The following SPTY2D1 variants were observed in gnomAD, a reference collection of about 807,000 sequenced individuals.
SPTY2D1 encodes the protein SPT2 chromatin protein domain containing 1, also known as protein SPT2 homolog.
Under a neutral mutation model 64.0 loss-of-function variants are expected in SPTY2D1, and 21 were observed. The ratio of observed to expected loss-of-function variants is 0.33; its 90% CI spans 0.23 to 0.47. The LOEUF (loss-of-function observed/expected upper bound fraction) is 0.47, where lower values mean the gene tolerates loss of function less well. Ranked by LOEUF, SPTY2D1 falls within the 20% of genes least tolerant of loss-of-function variation. The probability of loss-of-function intolerance (pLI) is 1.00; values close to 1 mark genes in which losing one functional copy is unlikely to be tolerated. For missense variants in SPTY2D1, 724 were observed against 837.2 expected, an observed-to-expected ratio of 0.86 and a Z score of 1.67; for synonymous variants, 287 against 286.8, an observed-to-expected ratio of 1.00 and a Z score of -0.01.
intron 1 of SPTY2D1, among the ~76,000 whole-genome samples, chr11:18,624,936 T>G (rs1030649223): frequency 5.3e-5 from 8 of 152,044 alleles, no homozygotes; most frequent in African/African-American, 1.9e-4. Context: ...GAGGCAGAGG[T>G]TGTGGTCCGC....
rs143142593 is a variant in SPTY2D1, at chr11:18,614,070, T to C, written c.1711+493A>G. Among the ~76,000 whole-genome samples, 66 of 152,260 alleles carry C rather than the reference T, an allele frequency of 4.3e-4. 1 individual carries two copies. Among genetic ancestry groups the C allele is most frequent in the African/African-American group, 1.5e-3 (63 of 41,562 alleles). ...CTAAGTTTATCACACTTAGGGACAT[T>C]TCAAGGGTGAACACAGAGATCCTAG... On this transcript the variant is annotated intron_variant, in intron 3 of 5. Coordinates refer to ENST00000336349, the MANE Select transcript of SPTY2D1 (RefSeq NM_194285.3).
Position 18,609,516 on chromosome 11 carries a change from CTTTT to C in SPTY2D1, c.*341_*344del, listed in dbSNP as rs1010570715. On this transcript the variant is annotated 3_prime_UTR_variant, in exon 6 of 6. Coordinates refer to ENST00000336349, the MANE Select transcript of SPTY2D1 (RefSeq NM_194285.3). ...AGAATTACAGAAATCAAGAGACAAC[CTTTT>C]TTTTCCTTTCAAAGTAGCAAAGGAA... 4.5e-6 allele frequency: 1 copy of C among 223,576 alleles called. No individual in the cohort carries two copies. Among genetic ancestry groups the C allele is most frequent in the African/African-American group, 2.3e-5 (1 of 43,414 alleles). 13.8% of individuals were successfully genotyped at this position (223,576 alleles called of 1,614,324 possible). A position where few individuals can be genotyped will look rare whatever the true frequency, so the allele number is the denominator to read the frequency against.
At chr11:18,631,239 G>C (rs11607095) in intron 1 of SPTY2D1, among the ~76,000 whole-genome samples, 67,664 of 152,130 alleles carry the variant, frequency 0.44, 15,161 homozygotes, top group Middle Eastern at 0.52. Flanking sequence ...CAGATTATTA[G>C]AAAGCAAGTA....
At chr11:18,617,670 G>A (rs545984046) in intron 1 of SPTY2D1, among the ~76,000 whole-genome samples, 7 of 150,038 alleles carry the variant, frequency 4.7e-5, no homozygotes, top group South Asian at 4.2e-4. Flanking sequence ...GGCCAGGTGC[G>A]GTGGCTCACG....
At chr11:18,614,286 G>T (rs1854251907) in intron 3 of SPTY2D1, among the ~76,000 whole-genome samples, 1 of 152,196 alleles carries the variant, frequency 6.6e-6, no homozygotes. Context: ...GCCAGGCATG[G>T]TGGCACACGC....
chr11:18,616,237 T>C (rs560438334), intron 2 of SPTY2D1, 139 bp from the exon 3 acceptor site: 7 of 759,788 alleles, frequency 9.2e-6, no homozygotes, highest in South Asian at 8.2e-5. Flanking sequence ...CAAGTATCAA[T>C]TGAGTCATCT....
At position 18,612,448 on chromosome 11, in the gene SPTY2D1, C is replaced by A. The variant is rs1182286663; in HGVS notation, c.1752G>T (p.Gln584His). The A allele has an allele frequency of 6.2e-7, 1 of 1,608,624 alleles. No individual in the cohort carries two copies. The highest frequency in any genetic ancestry group is 8.5e-7 in the Non-Finnish European group (1 of 1,177,230). Residue 584 changes from glutamine to histidine, a missense_variant, in exon 4 of 6, where the codon CAG becomes CAT. By Grantham distance (24) the Gln-to-His change is conservative. This residue lies in a region of SPTY2D1 where 119 missense variants were observed against 172.9 expected (regional missense o/e 0.69). Coordinates refer to ENST00000336349, the MANE Select transcript of SPTY2D1 (RefSeq NM_194285.3). The surrounding 1 kb of genome is among the most constrained non-coding windows in gnomAD (Gnocchi z 4.6). ...CGTCATCTTCCTCTTCATATTCTCG[C>A]TGCCTTTTGTAACCAGTAGGGAAGG... ...RLPFPTGYKRQREYEEEDDDD... is the reference protein window; with the variant it reads ...RLPFPTGYKRHREYEEEDDDD...
intron 1 of SPTY2D1, 48 bp from the exon 2 acceptor site, chr11:18,617,037 A>G: frequency 6.6e-7 from 1 of 1,514,606 alleles, no homozygotes; most frequent in Non-Finnish European, 9.2e-7. Context: ...CTTTTAAAAT[A>G]CATTATTAGG....
chr11:18,615,523 G>A lies in SPTY2D1; in HGVS notation c.751C>T (p.Pro251Ser). The change falls in exon 3 of 6, where the codon CCT becomes TCT. Residue 251 changes from proline (P) to serine (S), a missense_variant. Physicochemically the swap from Pro to Ser is moderately conservative, Grantham distance 74. This residue lies in a region of SPTY2D1 where 426 missense variants were observed against 431.8 expected (regional missense o/e 0.99). Coordinates refer to ENST00000336349, the MANE Select transcript of SPTY2D1 (RefSeq NM_194285.3). ...GGAAGGGGCATTCCTTTGGAAGAAG[G>A]ATGCCTGTCTCCAGAACCTTTGCTA... ...KLSKGSGDRH[P>S]SSKGMPLPHA... The A allele has an allele frequency of 6.2e-7, 1 of 1,614,210 alleles. No individual in the cohort carries two copies. Among genetic ancestry groups the A allele is most frequent in the Non-Finnish European group, 8.5e-7 (1 of 1,180,044 alleles).
At chr11:18,630,062 G>A (rs144534426) in intron 1 of SPTY2D1, among the ~76,000 whole-genome samples, 275 of 151,956 alleles carry the variant, frequency 1.8e-3, no homozygotes, top group Non-Finnish European at 2.9e-3. Flanking sequence ...CCAGCTACTC[G>A]GAAGGCTAAG....
At chr11:18,628,986 G>C (rs1854542756) in intron 1 of SPTY2D1, among the ~76,000 whole-genome samples, 1 of 151,984 alleles carries the variant, frequency 6.6e-6, no homozygotes, top group African/African-American at 2.4e-5. Flanking sequence ...TTAATGTCCT[G>C]GGCTCTTACT....
intron 5 of SPTY2D1, among the ~76,000 whole-genome samples, chr11:18,610,667 T>TAAAAAAAAAA (rs58363516): frequency 4.1e-5 from 4 of 96,730 alleles, no homozygotes; most frequent in African/African-American, 1.1e-4. Flanking sequence ...CCCTGTCTCT[T>TAAAAAAAAAA]AAAAAAAAAA....
In SPTY2D1 at chr11:18,608,433, T is replaced by C. The variant is rs3802964; in HGVS notation, c.*1428A>G. 5 of 152,416 alleles carry C rather than the reference T, an allele frequency of 3.3e-5. No individual in the cohort carries two copies. In the East Asian group the frequency reaches 9.6e-4, roughly 29 times the overall value. The allele number at this position is 152,416 out of a possible 1,614,324, so 9.4% of individuals were successfully genotyped here. A position where few individuals can be genotyped will look rare whatever the true frequency, so the allele number is the denominator to read the frequency against. ...GCTGTTGAAGTATAAGGGCCTGTTG[T>C]AGGACAATCCCTCCTACTTCCTAAT... On this transcript the variant is annotated 3_prime_UTR_variant, in exon 6 of 6. Transcript: ENST00000336349.
intron 3 of SPTY2D1, among the ~76,000 whole-genome samples, chr11:18,614,245 A>AT (rs1854250808): frequency 6.6e-6 from 1 of 152,184 alleles, no homozygotes; most frequent in South Asian, 2.1e-4. Context: ...CAACATACTG[A>AT]AACCCCATCT....
intron 1 of SPTY2D1, among the ~76,000 whole-genome samples, chr11:18,625,817 CTTTTTTT>C (rs779130410): frequency 8.4e-6 from 1 of 118,960 alleles, no homozygotes; most frequent in Non-Finnish European, 1.6e-5. Context: ...CCAACACTTT[CTTTTTTT>C]TTTTTTTTTG....
rs554160721 is a variant in SPTY2D1, at chr11:18,607,450, T to C, written c.*2411A>G. 2.6e-5 allele frequency: 4 copies of C among 152,634 alleles called. No homozygotes were observed. Among genetic ancestry groups the C allele is most frequent in the Non-Finnish European group, 5.9e-5 (4 of 68,046 alleles). 9.5% of individuals were successfully genotyped at this position (152,634 alleles called of 1,614,324 possible). A position where few individuals can be genotyped will look rare whatever the true frequency, so the allele number is the denominator to read the frequency against. ...CCATGATCATGTAACATTATTACAA[T>C]CATGAAATATTACTACATTCGTGAT... is the stretch of plus-strand genomic sequence containing the variant. On this transcript the variant is annotated 3_prime_UTR_variant, in exon 6 of 6. Coordinates refer to ENST00000336349, the MANE Select transcript of SPTY2D1 (RefSeq NM_194285.3).
At chr11:18,631,595 T>G (rs1011458807) in intron 1 of SPTY2D1, among the ~76,000 whole-genome samples, 11 of 63,606 alleles carry the variant, frequency 1.7e-4, no homozygotes, top group African/African-American at 6.0e-4. Flanking sequence ...TCTTTTAAAA[T>G]AGATAACAAA....
intron 4 of SPTY2D1, among the ~76,000 whole-genome samples, chr11:18,611,755 T>G (rs574126282): frequency 6.6e-6 from 1 of 152,346 alleles, no homozygotes; most frequent in African/African-American, 2.4e-5. Context: ...TAAGCCCTTA[T>G]TACCCTCAGA....
intron 1 of SPTY2D1, among the ~76,000 whole-genome samples, chr11:18,632,439 C>A (rs1235018524): frequency 6.6e-6 from 1 of 151,132 alleles, no homozygotes; most frequent in Non-Finnish European, 1.5e-5. Context: ...GCAATCTCCG[C>A]CTCCTGGGTT....
Sources: allele counts gnomAD v4.1 joint callset (sites outside exome capture counted in the v4.1 genomes callset), GRCh38; gene constraint gnomAD v4.1.1; regional missense constraint gnomAD v4.1.1; non-coding constraint Gnocchi (gnomAD v3.1); transcripts MANE v1.5; gene names NCBI Gene and HGNC (gene_info 2026-07-23, HGNC 2026-07-21).